The following XKR9 variants were observed in gnomAD, a reference collection of about 807,000 sequenced individuals.
XKR9 encodes the protein XK-related protein 9.
In XKR9, 32 loss-of-function variants were observed where a neutral mutation model predicts 32.0. That is an observed-to-expected ratio of 1.00 (90% CI 0.76 to 1.34). The LOEUF is 1.34. XKR9 is among the 40% of genes most tolerant of loss of function. XKR9 has a pLI of 0.00. For missense variants in XKR9, 546 were observed against 429.7 expected, an observed-to-expected ratio of 1.27 and a Z score of -2.39; for synonymous variants, 168 against 143.4, an observed-to-expected ratio of 1.17 and a Z score of -1.22.
the XKR9 span, among the ~76,000 whole-genome samples, chr8:71,010,812 G>A: frequency 1.3e-5 from 2 of 152,078 alleles, no homozygotes; most frequent in African/African-American, 2.4e-5. Context: ...TCATATTTGA[G>A]TCTGAAAAGC....
At chr8:71,039,648 A>C in the XKR9 span, among the ~76,000 whole-genome samples, 3 of 152,156 alleles carry the variant, frequency 2.0e-5, no homozygotes, top group Admixed American at 6.5e-5. Flanking sequence ...TTTTTCAAAC[A>C]ATGTTTTTTA....
chr8:70,953,518 C>G, the XKR9 span, among the ~76,000 whole-genome samples: 1 of 152,094 alleles, frequency 6.6e-6, no homozygotes, highest in Admixed American at 6.5e-5. Context: ...CCCTATGTTG[C>G]CCAGGCTGGT....
the XKR9 span, among the ~76,000 whole-genome samples, chr8:70,887,070 T>C: frequency 6.6e-6 from 1 of 152,188 alleles, no homozygotes; most frequent in Admixed American, 6.5e-5. Context: ...TACATTTAAG[T>C]CTTTAGTCCA....
chr8:70,819,538 A>G, the XKR9 span, among the ~76,000 whole-genome samples: 1 of 152,258 alleles, frequency 6.6e-6, no homozygotes, highest in African/African-American at 2.4e-5. Flanking sequence ...TAAAATTATG[A>G]CTCCATCACT....
chr8:70,670,235 A>AG (rs1310861835), intron 1 of XKR9, among the ~76,000 whole-genome samples: 2 of 152,114 alleles, frequency 1.3e-5, no homozygotes, highest in African/African-American at 4.8e-5. Context: ...TCTGCCTGCC[A>AG]GTGTTACCTG....
chr8:70,993,947 C>A, the XKR9 span, among the ~76,000 whole-genome samples: 1 of 152,112 alleles, frequency 6.6e-6, no homozygotes, highest in African/African-American at 2.4e-5. Flanking sequence ...TGTCTGCAGT[C>A]CCTCTGAATA....
chr8:70,805,156 C>T, the XKR9 span, among the ~76,000 whole-genome samples: 2 of 152,058 alleles, frequency 1.3e-5, no homozygotes, highest in East Asian at 1.9e-4. Flanking sequence ...TGCAGCACAG[C>T]GGCCCACCTA....
the XKR9 span, among the ~76,000 whole-genome samples, chr8:70,804,369 A>G: frequency 2.0e-5 from 3 of 152,230 alleles, no homozygotes; most frequent in South Asian, 2.1e-4. Context: ...ATTTATATCT[A>G]TGGTCTATTT....
Position 70,681,356 on chromosome 8 carries a change from C to T in XKR9, c.272+26C>T, listed in dbSNP as rs12677770. On this transcript the variant is annotated intron_variant, in intron 3 of 4. Transcript: ENST00000408926. ...GTGAGCATACATGTTTAATCATTAC[C>T]ACTGTTTTTCTTTTTCCAAACAGAA... 28 of 1,578,194 alleles carry T rather than the reference C, an allele frequency of 1.8e-5. No individual in the cohort carries two copies. The East Asian group carries it at 3.8e-4, about 22-fold the overall frequency.
chr8:71,050,249 A>C, the XKR9 span, among the ~76,000 whole-genome samples: 2 of 122,970 alleles, frequency 1.6e-5, no homozygotes, highest in Admixed American at 7.8e-5. Flanking sequence ...ATATATATAT[A>C]TATATATATA....
the XKR9 span, among the ~76,000 whole-genome samples, chr8:71,034,903 G>T: frequency 8.5e-5 from 13 of 152,128 alleles, 1 homozygote; most frequent in Admixed American, 7.9e-4. Flanking sequence ...CCAACTTCAT[G>T]AATGTATTTA....
chr8:70,696,739 T>C (rs1022464027), intron 3 of XKR9, among the ~76,000 whole-genome samples: 12 of 150,876 alleles, frequency 8.0e-5, no homozygotes, highest in Admixed American at 5.3e-4. Context: ...GGTAGCTTGA[T>C]GGGGATGACA....
At chr8:70,954,815 T>C in the XKR9 span, among the ~76,000 whole-genome samples, 1 of 152,236 alleles carries the variant, frequency 6.6e-6, no homozygotes, top group East Asian at 1.9e-4. Context: ...GATCGTTTTT[T>C]ACCAGTCGTT....
the XKR9 span, among the ~76,000 whole-genome samples, chr8:70,897,105 T>C: frequency 6.6e-6 from 1 of 152,172 alleles, no homozygotes; most frequent in African/African-American, 2.4e-5. Flanking sequence ...TTTTAATTTT[T>C]AGCTCCTGCA....
the XKR9 span, among the ~76,000 whole-genome samples, chr8:71,028,615 T>G: frequency 6.6e-6 from 1 of 152,054 alleles, no homozygotes; most frequent in African/African-American, 2.4e-5. Flanking sequence ...CAATTGAGAG[T>G]GAATTTCAAA....
the XKR9 span, among the ~76,000 whole-genome samples, chr8:70,933,306 G>A: frequency 6.6e-6 from 1 of 152,112 alleles, no homozygotes; most frequent in Non-Finnish European, 1.5e-5. Flanking sequence ...CACCACGAGT[G>A]TTAGAAGGAA....
chr8:70,800,908 A>C, the XKR9 span, among the ~76,000 whole-genome samples: 1 of 151,086 alleles, frequency 6.6e-6, no homozygotes, highest in Non-Finnish European at 1.5e-5. Flanking sequence ...TGTTTCCAGG[A>C]ATATATCCAT....
the XKR9 span, among the ~76,000 whole-genome samples, chr8:70,916,934 A>G: frequency 1.3e-5 from 2 of 152,134 alleles, no homozygotes; most frequent in South Asian, 4.2e-4. Context: ...TGCTAATGTA[A>G]ATTGTATCAT....
At chr8:70,859,377 T>TCA in the XKR9 span, among the ~76,000 whole-genome samples, 14 of 152,126 alleles carry the variant, frequency 9.2e-5, no homozygotes, top group African/African-American at 3.4e-4. Context: ...CTGCTGAGGA[T>TCA]GTGAAGAGAG....
Sources: allele counts gnomAD v4.1 joint callset (sites outside exome capture counted in the v4.1 genomes callset), GRCh38; gene constraint gnomAD v4.1.1; transcripts MANE v1.5; gene names NCBI Gene and HGNC (gene_info 2026-07-23, HGNC 2026-07-21).